The following EARS2 variants were observed in gnomAD, a reference collection of about 807,000 sequenced individuals.
The protein encoded by EARS2 is nondiscriminating glutamyl-tRNA synthetase EARS2, mitochondrial.
EARS2 carries 50 observed loss-of-function variants against 54.1 expected under a neutral mutation model. That is an observed-to-expected ratio of 0.92 (90% confidence interval 0.74 to 1.17). The LOEUF (loss-of-function observed/expected upper bound fraction) is 1.17. EARS2 is among the 50% of genes most tolerant of loss of function. The pLI, the probability that EARS2 is intolerant of heterozygous loss-of-function variation, is 0.00. For missense variants in EARS2, 673 were observed against 675.0 expected, an observed-to-expected ratio of 1.00 and a Z score of 0.03; for synonymous variants, 298 against 281.0, an observed-to-expected ratio of 1.06 and a Z score of -0.61.
chr16:23,550,468 C>T (rs558592883), intron 2 of EARS2, among the ~76,000 whole-genome samples: 2 of 112,604 alleles, frequency 1.8e-5, no homozygotes, highest in South Asian at 6.4e-4. Context: ...GACAGAGTCT[C>T]ACTCTGTCAC....
intron 4 of EARS2, among the ~76,000 whole-genome samples, chr16:23,533,437 C>T (rs1301855279): frequency 1.3e-5 from 2 of 152,124 alleles, no homozygotes; most frequent in Non-Finnish European, 2.9e-5. Flanking sequence ...CCACTGTGCC[C>T]GCCCTCCTTC....
intron 7 of EARS2, 110 bp from the exon 8 acceptor site, chr16:23,525,489 T>C: frequency 8.1e-7 from 1 of 1,241,316 alleles, no homozygotes; most frequent in African/African-American, 1.5e-5. Context: ...GCACAACCAA[T>C]GTTCAAGCCT....
Position 23,524,351 on chromosome 16 carries a change from C to T in EARS2, c.*20G>A. The T allele has an allele frequency of 3.1e-6, 5 of 1,607,062 alleles. No homozygotes were observed. The highest frequency in any genetic ancestry group is 4.3e-6 in the Non-Finnish European group (5 of 1,173,442). The stretch of plus-strand genomic sequence containing the variant: ...TCACAGGTTCTTAGGGCGATCTCCA[C>T]TGCCCGAAACATCCTCTCCCTAGCT... On this transcript the variant is annotated 3_prime_UTR_variant, in exon 9 of 9. Transcript: ENST00000449606.
At chr16:23,544,061 A>G (rs1567386755) in intron 3 of EARS2, among the ~76,000 whole-genome samples, 2 of 152,192 alleles carry the variant, frequency 1.3e-5, no homozygotes, top group Non-Finnish European at 2.9e-5. Flanking sequence ...CCAGAGAAGG[A>G]ATACATAGCC....
At chr16:23,536,365 G>A (rs1965417653) in intron 3 of EARS2, among the ~76,000 whole-genome samples, 1 of 152,174 alleles carries the variant, frequency 6.6e-6, no homozygotes, top group Admixed American at 6.5e-5. Context: ...AGTGTTTTGG[G>A]AGGTCAAGGT....
At chr16:23,553,671 C>T (rs1433161172) in intron 1 of EARS2, among the ~76,000 whole-genome samples, 1 of 152,004 alleles carries the variant, frequency 6.6e-6, no homozygotes, top group Non-Finnish European at 1.5e-5. Flanking sequence ...GCGGGTGGAT[C>T]ACAAAGTCAG....
chr16:23,542,179 A>G (rs972535810), intron 3 of EARS2, among the ~76,000 whole-genome samples: 14 of 151,914 alleles, frequency 9.2e-5, no homozygotes, highest in Admixed American at 3.9e-4. Context: ...TTTTTAGTAA[A>G]GATGGGGTTT....
intron 4 of EARS2, among the ~76,000 whole-genome samples, chr16:23,533,977 AC>A (rs1455212850): frequency 1.3e-5 from 2 of 151,882 alleles, no homozygotes; most frequent in African/African-American, 2.4e-5. Flanking sequence ...AATCGCTTGA[AC>A]CCAGGAGACG....
intron 3 of EARS2, among the ~76,000 whole-genome samples, chr16:23,538,681 G>C (rs1476047069): frequency 6.6e-6 from 1 of 151,868 alleles, no homozygotes; most frequent in Admixed American, 6.6e-5. Context: ...ACGAGACCTT[G>C]TCTCTACTAG....
chr16:23,543,397 G>A (rs1272541199), intron 3 of EARS2, among the ~76,000 whole-genome samples: 4 of 150,148 alleles, frequency 2.7e-5, no homozygotes, highest in East Asian at 2.0e-4. Flanking sequence ...GGGTGACAAA[G>A]TAAGACCCTG....
intron 3 of EARS2, among the ~76,000 whole-genome samples, chr16:23,543,781 G>A (rs1174732778): frequency 6.6e-6 from 1 of 150,518 alleles, no homozygotes; most frequent in Non-Finnish European, 1.5e-5. Flanking sequence ...AACCTTTTGA[G>A]TGCTGACATG....
At chr16:23,525,505 G>C in intron 7 of EARS2, 126 bp from the exon 8 acceptor site, 1 of 1,102,414 alleles carries the variant, frequency 9.1e-7, no homozygotes, top group South Asian at 1.6e-5. Context: ...AGCCTGTTTT[G>C]AGGGAGGTGA....
chr16:23,524,466 AAGAGCAAAT>A lies in EARS2; in HGVS notation c.1489-21_1489-13del, dbSNP rs755731108. 2.5e-6 allele frequency: 4 copies of A among 1,612,516 alleles called. No individual in the cohort carries two copies. The African/African-American group carries it at 5.3e-5, about 22-fold the overall frequency. On this transcript the variant is annotated splice_polypyrimidine_tract_variant and intron_variant, in intron 8 of 8. Transcript: ENST00000449606. The stretch of plus-strand genomic sequence containing the variant: ...ACAGGAGGTCCTTGCTAAGAACAAA[AAGAGCAAAT>A]ATTGCCTTACTACCTTAAACAGCCT...
chr16:23,524,216 T>C lies in EARS2; in HGVS notation c.*155A>G, dbSNP rs886051830. Reference sequence around the variant, plus strand: ...TTGACAAAAACGTGCCTGTGGTGGATCACAAATGCACTTGTGTGCAGTCAG... The same window carrying C: ...TTGACAAAAACGTGCCTGTGGTGGACCACAAATGCACTTGTGTGCAGTCAG... On this transcript the variant is annotated 3_prime_UTR_variant, in exon 9 of 9. Transcript: ENST00000449606. 1.1e-5 allele frequency: 8 copies of C among 704,390 alleles called. No homozygotes were observed. Among genetic ancestry groups the C allele is most frequent in the Admixed American group, 4.6e-5 (2 of 43,140 alleles). The allele number at this position is 704,390 out of a possible 1,614,324, so 43.6% of individuals were successfully genotyped here. A position where few individuals can be genotyped will look rare whatever the true frequency, so the allele number is the denominator to read the frequency against.
intron 1 of EARS2, among the ~76,000 whole-genome samples, chr16:23,554,288 G>A (rs1472053763): frequency 6.6e-6 from 1 of 152,036 alleles, no homozygotes. Context: ...CCAAAGTGCT[G>A]GGATTACTGG....
rs752387472 is a variant in EARS2, at chr16:23,535,166, G to A, written c.680C>T (p.Thr227Ile). The change falls in exon 4 of 9, where the codon ACA (threonine) becomes ATA (isoleucine). Residue 227 changes from threonine (T) to isoleucine (I), a missense_variant. Transcript: ENST00000449606. ...GTCCACCACGCAGGCCAGGTGGTAT[G>A]TGGGGAAGCCGTCGCTCTTCATGAT... Reference protein sequence around the residue: ...PVIMKSDGFPTYHLACVVDDH... With the variant: ...PVIMKSDGFPIYHLACVVDDH... The A allele has an allele frequency of 2.5e-6, 4 of 1,613,674 alleles. No homozygotes were observed. The East Asian group carries it at 8.9e-5, about 36-fold the overall frequency.
At chr16:23,554,266 C>G (rs1232037365) in intron 1 of EARS2, among the ~76,000 whole-genome samples, 1 of 152,062 alleles carries the variant, frequency 6.6e-6, no homozygotes, top group Non-Finnish European at 1.5e-5. Context: ...GCAATCCTTA[C>G]ACTTCAGCCT....
At chr16:23,552,406 A>G in intron 1 of EARS2, 102 bp from the exon 2 acceptor site, 1 of 1,328,744 alleles carries the variant, frequency 7.5e-7, no homozygotes, top group South Asian at 1.3e-5. Context: ...AATAAATTTA[A>G]AAGACCAGCA....
At chr16:23,525,630 G>A (rs1965214670) in intron 7 of EARS2, among the ~76,000 whole-genome samples, 1 of 152,114 alleles carries the variant, frequency 6.6e-6, no homozygotes, top group African/African-American at 2.4e-5. Context: ...GCCATAAGAG[G>A]CTTTACTCAT....
Sources: gnomAD v4.1 joint callset for allele counts (sites outside exome capture counted in the v4.1 genomes callset) on GRCh38, gnomAD v4.1.1 for gene constraint, MANE v1.5 for transcripts, NCBI Gene and HGNC (gene_info 2026-07-23, HGNC 2026-07-21) for gene names.